Variants in MINDY2 observed in about 807,000 individuals in gnomAD.
MINDY2 encodes ubiquitin carboxyl-terminal hydrolase MINDY-2.
MINDY2 carries 52 observed loss-of-function variants against 68.2 expected under a neutral mutation model. The ratio of observed to expected loss-of-function variants is 0.76; its 90% CI spans 0.61 to 0.96. The LOEUF is 0.96. Among genes scored for constraint, MINDY2 ranks in the 40% least tolerant of loss-of-function variants. MINDY2 has a pLI of 0.00. For missense variants in MINDY2, 881 were observed against 773.4 expected (o/e 1.14, Z -1.65); for synonymous variants, 372 against 303.0 (o/e 1.23, Z -2.36).
intron 2 of MINDY2, among the ~76,000 whole-genome samples, chr15:58,792,466 C>T (rs946715421): frequency 7.9e-5 from 12 of 152,174 alleles, no homozygotes; most frequent in Admixed American, 5.9e-4. Context: ...ATTAGCCGGG[C>T]GTGGTGGCAC....
intron 1 of MINDY2, among the ~76,000 whole-genome samples, chr15:58,777,133 T>C (rs1420442662): frequency 6.6e-6 from 1 of 152,216 alleles, no homozygotes; most frequent in African/African-American, 2.4e-5. Context: ...CTTTAAAAAC[T>C]ATTAGCATAT....
chr15:58,825,981 A>T lies in MINDY2; in HGVS notation c.1225+4162A>T, dbSNP rs188638781. Among the ~76,000 whole-genome samples, 243 of 152,252 alleles carry T rather than the reference A, an allele frequency of 1.6e-3. 1 individual carries two copies. Among genetic ancestry groups the T allele is most frequent in the African/African-American group, 5.5e-3 (227 of 41,550 alleles). ...AATATTTCTAGGATATGTATTCGTTAATTCAAATATTTATTGAGCCTTTAT... is the reference window on the plus strand; with the variant it reads ...AATATTTCTAGGATATGTATTCGTTTATTCAAATATTTATTGAGCCTTTAT... On this transcript the variant is annotated intron_variant, in intron 5 of 8. Transcript: ENST00000559228.
rs565786025 is a variant in MINDY2 at position 58,831,041 on chromosome 15, G to GTGTGTATATATATATA, written c.1226-732_1226-731insGTGTATATATATATAT. Among the ~76,000 whole-genome samples, 1,017 of 124,740 alleles carry GTGTGTATATATATATA rather than the reference G, an allele frequency of 8.2e-3. 27 individuals carry two copies. The highest frequency in any genetic ancestry group is 0.056 in the Admixed American group (676 of 11,992). 81.8% of individuals were successfully genotyped at this position (124,740 alleles called of 152,430 possible). A position where few individuals can be genotyped will look rare whatever the true frequency, so the allele number is the denominator to read the frequency against. On this transcript the variant is annotated intron_variant, in intron 5 of 8. Transcript: ENST00000559228. ...TGTGTGTGTGTGTGTGTGTGTGTGT[G>GTGTGTATATATATATA]TATATATATATATATATATGTTTTA...
At chr15:58,825,762 C>G (rs934152211) in intron 5 of MINDY2, among the ~76,000 whole-genome samples, 1 of 152,094 alleles carries the variant, frequency 6.6e-6, no homozygotes, top group East Asian at 1.9e-4. Flanking sequence ...CACGCCACCA[C>G]GCTGGCTAAT....
At chr15:58,773,206 C>T (rs1231527469) in intron 1 of MINDY2, among the ~76,000 whole-genome samples, 1 of 152,006 alleles carries the variant, frequency 6.6e-6, no homozygotes, top group Non-Finnish European at 1.5e-5. Flanking sequence ...AGCTCAGCTA[C>T]TCTGGAGGCT....
chr15:58,839,042 G>A (rs954527710), intron 6 of MINDY2, among the ~76,000 whole-genome samples: 1 of 151,994 alleles, frequency 6.6e-6, no homozygotes, highest in Admixed American at 6.6e-5. Context: ...TTTACTGGTT[G>A]TACCAATTTC....
At position 58,856,910 on chromosome 15, in the gene MINDY2, T is replaced by C. The variant is rs2033078022; in HGVS notation, c.*2300T>C. The stretch of plus-strand genomic sequence containing the variant: ...GTATTTCTTCTGTTATTTGTTACTA[T>C]CTTCTTAATTTGTTCCAAAGAAAAT... On this transcript the variant is annotated 3_prime_UTR_variant, in exon 9 of 9. Coordinates refer to ENST00000559228, the MANE Select transcript of MINDY2 (RefSeq NM_001040450.3). The C allele has an allele frequency of 6.6e-6, 1 of 152,250 alleles. No individual in the cohort carries two copies. The highest frequency in any genetic ancestry group is 1.5e-5 in the Non-Finnish European group (1 of 68,046). The allele number at this position is 152,250 out of a possible 1,614,324, so 9.4% of individuals were successfully genotyped here. A position where few individuals can be genotyped will look rare whatever the true frequency, so the allele number is the denominator to read the frequency against.
intron 4 of MINDY2, among the ~76,000 whole-genome samples, chr15:58,813,222 C>T (rs552737457): frequency 2.6e-5 from 4 of 152,298 alleles, no homozygotes; most frequent in South Asian, 4.1e-4. Flanking sequence ...CCGCCGGGCA[C>T]GGTGGCTCAC....
chr15:58,848,704 CCACTG>C (rs2032660683), intron 7 of MINDY2, among the ~76,000 whole-genome samples: 1 of 152,132 alleles, frequency 6.6e-6, no homozygotes, highest in Non-Finnish European at 1.5e-5. Context: ...CGAGATCGTG[CCACTG>C]CACTCCAGCC....
rs146095579 is a variant in MINDY2, at chr15:58,772,470, T to C, written c.840+235T>C. On this transcript the variant is annotated intron_variant, in intron 1 of 8. Coordinates refer to ENST00000559228, the MANE Select transcript of MINDY2 (RefSeq NM_001040450.3). ...TAGTGTTTAAGAGTTCAACATTCAATTGTGGTTGATACACTTAGAAACAAG... is the reference window on the plus strand; with the variant it reads ...TAGTGTTTAAGAGTTCAACATTCAACTGTGGTTGATACACTTAGAAACAAG... Among the ~76,000 whole-genome samples, 1,332 of 152,324 alleles carry C rather than the reference T, an allele frequency of 8.7e-3. 18 individuals are homozygous for C. Among genetic ancestry groups the C allele is most frequent in the African/African-American group, 0.03 (1,253 of 41,558 alleles).
chr15:58,831,041 G>GTGTGTGTATATA (rs565786025), intron 5 of MINDY2, among the ~76,000 whole-genome samples: 2,072 of 124,804 alleles, frequency 0.017, 32 homozygotes, highest in Non-Finnish European at 0.023. Flanking sequence ...GTGTGTGTGT[G>GTGTGTGTATATA]TATATATATA....
chr15:58,804,813 AAAAAGAAAAG>A (rs1175319156), intron 3 of MINDY2, among the ~76,000 whole-genome samples: 2 of 152,022 alleles, frequency 1.3e-5, no homozygotes, highest in South Asian at 2.1e-4. Context: ...TACAAAAAAA[AAAAAGAAAAG>A]AAAAGAAAAG....
At chr15:58,847,546 T>C in intron 7 of MINDY2, 76 bp downstream of exon 7, 2 of 1,295,572 alleles carry the variant, frequency 1.5e-6, no homozygotes, top group Non-Finnish European at 2.1e-6. Context: ...ATCCAAAATT[T>C]TTCAACTAAA....
intron 6 of MINDY2, among the ~76,000 whole-genome samples, chr15:58,838,415 T>C (rs2032108554): frequency 6.6e-6 from 1 of 151,576 alleles, no homozygotes. Context: ...ACAAAAAAGA[T>C]ATACTTTCAG....
intron 6 of MINDY2, among the ~76,000 whole-genome samples, chr15:58,839,644 T>C (rs536101643): frequency 6.6e-6 from 1 of 152,094 alleles, no homozygotes; most frequent in East Asian, 1.9e-4. Flanking sequence ...GGGTTAGGCT[T>C]TTTGGTGATC....
chr15:58,789,569 C>T (rs1901745345), intron 2 of MINDY2, among the ~76,000 whole-genome samples: 1 of 151,946 alleles, frequency 6.6e-6, no homozygotes, highest in African/African-American at 2.4e-5. Context: ...GTGATCCTCC[C>T]ACCTCAGCCT....
At chr15:58,785,371 T>A (rs1901426505) in intron 1 of MINDY2, among the ~76,000 whole-genome samples, 1 of 151,974 alleles carries the variant, frequency 6.6e-6, no homozygotes. Context: ...AAAAAAAAAA[T>A]CATCTAATGC....
chr15:58,771,340 G>T lies in MINDY2; in HGVS notation c.-56G>T, dbSNP rs1900363893. ...ATACAGCTGTCATGGCGTCCAAGGC[G>T]CTGGCTGCGGAGAAGTGGCCGCGGT... On this transcript the variant is annotated 5_prime_UTR_variant, in exon 1 of 9. Transcript: ENST00000559228. 6.4e-7 allele frequency: 1 copy of T among 1,554,430 alleles called. No homozygotes were observed. The highest frequency in any genetic ancestry group is 8.7e-7 in the Non-Finnish European group (1 of 1,152,766).
chr15:58,845,837 A>C (rs779628885), intron 6 of MINDY2, among the ~76,000 whole-genome samples: 22 of 152,246 alleles, frequency 1.4e-4, no homozygotes, highest in Non-Finnish European at 2.2e-4. Context: ...AATGTGGTAC[A>C]CATACACAAC....
Sources: allele counts gnomAD v4.1 joint callset (sites outside exome capture counted in the v4.1 genomes callset), GRCh38; gene constraint gnomAD v4.1.1; transcripts MANE v1.5; gene names NCBI Gene and HGNC (gene_info 2026-07-23, HGNC 2026-07-21).